Variants in HMGN1 observed in about 807,000 individuals in gnomAD.
The protein encoded by HMGN1 is high mobility group nucleosome binding domain 1.
A neutral mutation model predicts 18.4 loss-of-function variants in HMGN1; 9 were observed. That is an observed-to-expected ratio of 0.49 (90% confidence interval 0.29 to 0.85). The LOEUF is 0.85. HMGN1 is among the 40% of genes least tolerant of loss of function. The probability of loss-of-function intolerance (pLI) is 0.07; values close to 1 mark genes in which losing one functional copy is unlikely to be tolerated. For synonymous variants in HMGN1, 59 were observed against 45.0 expected, an observed-to-expected ratio of 1.31 and a Z score of -1.24; for missense variants, 151 against 119.2, an observed-to-expected ratio of 1.27 and a Z score of -1.24.
intron 5 of HMGN1, among the ~76,000 whole-genome samples, chr21:39,343,749 CAG>C (rs2036945413): frequency 6.6e-6 from 1 of 152,150 alleles, no homozygotes; most frequent in Admixed American, 6.5e-5. Context: ...ATGTTGTGAT[CAG>C]AGGTTTGTAG....
intron 5 of HMGN1, among the ~76,000 whole-genome samples, chr21:39,344,305 A>C (rs1292619562): frequency 6.6e-6 from 1 of 151,914 alleles, no homozygotes; most frequent in Non-Finnish European, 1.5e-5. Flanking sequence ...AGTACAAGTT[A>C]AAAAAATAAA....
At chr21:39,347,095 G>T in intron 4 of HMGN1, 1 of 156,334 alleles carries the variant, frequency 6.4e-6, no homozygotes, top group Non-Finnish European at 1.4e-5. Flanking sequence ...AAAAAGATAG[G>T]TAATAATATA....
chr21:39,347,947 T>C (rs970870772), intron 4 of HMGN1: 2 of 1,134,394 alleles, frequency 1.8e-6, no homozygotes, highest in Non-Finnish European at 2.2e-6. Flanking sequence ...CGGTGCTATC[T>C]TGACTCTTTT....
In HMGN1 at chr21:39,348,958, A is replaced by G; in HGVS notation, c.-41T>C. ...GGCGCGTGCCGGGTGCCTGCGGGGA[A>G]GGCGCGTGCCGGGTGCCTGCGGGCC... is the stretch of plus-strand genomic sequence containing the variant. On this transcript the variant is annotated 5_prime_UTR_variant, in exon 1 of 6. Coordinates refer to ENST00000380749, the MANE Select transcript of HMGN1 (RefSeq NM_004965.7). The G allele has an allele frequency of 8.4e-7, 1 of 1,187,644 alleles. No individual in the cohort carries two copies. Among genetic ancestry groups the G allele is most frequent in the Non-Finnish European group, 1.0e-6 (1 of 960,080 alleles). The allele number at this position is 1,187,644 out of a possible 1,614,324, so 73.6% of individuals were successfully genotyped here.
At position 39,345,200 on chromosome 21, in the gene HMGN1, G is replaced by T. The variant is rs778772049; in HGVS notation, c.201C>A (p.Asn67Lys). The change falls in exon 5 of 6, where the codon AAC (asparagine) becomes AAA (lysine). Residue 67 changes from asparagine to lysine, a missense_variant. By Grantham distance (94) the Asn-to-Lys change is moderately conservative. Transcript: ENST00000380749. ...CAGGTAAGTCTTCTTTAGTTTCTTG[G>T]TTAGCCACTTCGGCCTGTTTTCCCT... ...GAKGKQAEVA[N>K]QETKEDLPAE... 1 of 1,612,966 alleles carries T rather than the reference G, an allele frequency of 6.2e-7. No homozygotes were observed. Among genetic ancestry groups the T allele is most frequent in the Non-Finnish European group, 8.5e-7 (1 of 1,179,902 alleles).
intron 4 of HMGN1, chr21:39,348,048 T>C: frequency 1.9e-6 from 2 of 1,029,114 alleles, no homozygotes; most frequent in Non-Finnish European, 2.7e-6. Flanking sequence ...TTTGTAGACT[T>C]AATATTTAAT....
intron 5 of HMGN1, among the ~76,000 whole-genome samples, chr21:39,343,604 T>C (rs913647228): frequency 2.0e-5 from 3 of 152,244 alleles, no homozygotes; most frequent in African/African-American, 7.2e-5. Context: ...AGAGAACGTA[T>C]GTGTTGGAGG....
At chr21:39,345,873 C>T (rs1454031195) in intron 4 of HMGN1, 5 of 1,303,174 alleles carry the variant, frequency 3.8e-6, no homozygotes, top group Non-Finnish European at 5.1e-6. Flanking sequence ...GACTATCCTG[C>T]TACAGTTAAT....
chr21:39,342,471 A>C lies in HMGN1; in HGVS notation c.*641T>G, dbSNP rs1011922591. 1 of 189,808 alleles carries C rather than the reference A, an allele frequency of 5.3e-6. No homozygotes were observed. Among genetic ancestry groups the C allele is most frequent in the Non-Finnish European group, 1.1e-5 (1 of 90,208 alleles). 11.8% of individuals were successfully genotyped at this position (189,808 alleles called of 1,614,324 possible). ...CTTTCCAGCTTAAAATTTGGAAGCA[A>C]ATTTTCCTTAAGAGGCTATCAAGTA... On this transcript the variant is annotated 3_prime_UTR_variant, in exon 6 of 6. Coordinates refer to ENST00000380749, the MANE Select transcript of HMGN1 (RefSeq NM_004965.7).
Position 39,343,157 on chromosome 21 carries a change from A to C in HMGN1, c.258T>G (p.Ser86Arg), listed in dbSNP as rs1399765561. The C allele has an allele frequency of 6.3e-7, 1 of 1,598,850 alleles. No homozygotes were observed. The highest frequency in any genetic ancestry group is 8.5e-7 in the Non-Finnish European group (1 of 1,171,116). ...AENGETKTEE[S>R]PASDEAGEKE... ...TCTCTCCTGCTTCATCAGAGGCTGGACTCTGCAAAAGAAAGGAAATTGAGA... is the reference window on the plus strand; with the variant it reads ...TCTCTCCTGCTTCATCAGAGGCTGGCCTCTGCAAAAGAAAGGAAATTGAGA... The change falls in exon 6 of 6, where the codon AGT becomes AGG. Residue 86 changes from serine (S) to arginine (R), a missense_variant and splice_region_variant. Ser to Arg is a moderately radical substitution (Grantham distance 110). Transcript: ENST00000380749.
At chr21:39,348,678 T>A (rs1601562833) in intron 1 of HMGN1, 101 bp from the exon 2 acceptor site, 2 of 1,381,116 alleles carry the variant, frequency 1.4e-6, no homozygotes, top group Non-Finnish European at 1.9e-6. Flanking sequence ...ACGTCACGGC[T>A]TCCCGCCGCC....
chr21:39,345,320 A>G, intron 4 of HMGN1, 46 bp from the exon 5 acceptor site: 5 of 1,570,464 alleles, frequency 3.2e-6, no homozygotes, highest in Non-Finnish European at 4.4e-6. Flanking sequence ...TTTACTCCTT[A>G]TTTACATTTT....
intron 5 of HMGN1, 46 bp from the exon 6 acceptor site, chr21:39,343,205 C>T (rs2146851094): frequency 6.5e-7 from 1 of 1,545,580 alleles, no homozygotes; most frequent in Non-Finnish European, 8.8e-7. Context: ...AACACGTTGT[C>T]GTTTTATTTA....
intron 4 of HMGN1, chr21:39,345,706 AAT>A: frequency 1.7e-6 from 1 of 575,734 alleles, no homozygotes; most frequent in South Asian, 1.5e-5. Flanking sequence ...ATGACAGGAC[AAT>A]GTCATGAAGT....
At chr21:39,348,139 A>G in intron 4 of HMGN1, 153 bp downstream of exon 4, 1 of 1,009,752 alleles carries the variant, frequency 9.9e-7, no homozygotes, top group Middle Eastern at 3.2e-4. Flanking sequence ...GAATATATCC[A>G]TTACATTTTT....
chr21:39,345,176 A>C lies in HMGN1; in HGVS notation c.225T>G (p.Pro75=). Residue 75 remains proline (P), a synonymous_variant, in exon 5 of 6, where the codon CCT becomes CCG. Transcript: ENST00000380749. ...VANQETKEDL[P]AENGETKTEE... is the part of the protein sequence containing the mutation. ...CAGTCTTCGTTTCCCCGTTTTCCGC[A>C]GGTAAGTCTTCTTTAGTTTCTTGGT... is the stretch of plus-strand genomic sequence containing the variant. The C allele has an allele frequency of 1.2e-6, 2 of 1,608,992 alleles. No homozygotes were observed. Among genetic ancestry groups the C allele is most frequent in the Non-Finnish European group, 1.7e-6 (2 of 1,178,130 alleles).
In HMGN1 at chr21:39,342,934, ACCT is replaced by A. The variant is rs1432923635; in HGVS notation, c.*175_*177del. On this transcript the variant is annotated 3_prime_UTR_variant, in exon 6 of 6. Coordinates refer to ENST00000380749, the MANE Select transcript of HMGN1 (RefSeq NM_004965.7). ...AAATAAACAACCAGCAAATGATTTC[ACCT>A]CTTAAAAAAAAGCATTTACACTTAA... The A allele has an allele frequency of 8.0e-7, 1 of 1,249,472 alleles. No individual in the cohort carries two copies. The highest frequency in any genetic ancestry group is 1.5e-5 in the African/African-American group (1 of 66,798). The allele number at this position is 1,249,472 out of a possible 1,614,324, so 77.4% of individuals were successfully genotyped here. A position where few individuals can be genotyped will look rare whatever the true frequency, so the allele number is the denominator to read the frequency against.
rs1316316923 is a variant in HMGN1, at chr21:39,348,359, C to T, written c.79-20G>A. ...AGGTTTCTGAAAGGCAAAAGCAGCA[C>T]TGAGCGTCCTCACCCGGGACGACCC... On this transcript the variant is annotated intron_variant, in intron 3 of 5. Coordinates refer to ENST00000380749, the MANE Select transcript of HMGN1 (RefSeq NM_004965.7). 6.2e-7 allele frequency: 1 copy of T among 1,614,220 alleles called. No individual in the cohort carries two copies. Among genetic ancestry groups the T allele is most frequent in the Middle Eastern group, 1.6e-4 (1 of 6,062 alleles).
intron 4 of HMGN1, chr21:39,345,784 A>G (rs1158493492): frequency 7.8e-7 from 1 of 1,287,828 alleles, no homozygotes; most frequent in African/African-American, 1.5e-5. Context: ...GAACTTCAAC[A>G]ATACTGTCCT....
Sources: allele counts gnomAD v4.1 joint callset (sites outside exome capture counted in the v4.1 genomes callset), GRCh38; gene constraint gnomAD v4.1.1; transcripts MANE v1.5; gene names NCBI Gene and HGNC (gene_info 2026-07-23, HGNC 2026-07-21).